PIGN: variants seen among roughly 807,000 people sequenced by gnomAD.
PIGN encodes phosphatidylinositol glycan anchor biosynthesis class N.
Under a neutral mutation model 125.4 loss-of-function variants are expected in PIGN, and 117 were observed. The observed-to-expected ratio is 0.93, with a 90% confidence interval of 0.80 to 1.09. PIGN has a LOEUF of 1.09. Among genes scored for constraint, PIGN ranks in the 50% least tolerant of loss-of-function variants. PIGN has a pLI of 0.00. For missense variants in PIGN, 1,075 were observed against 1,094.9 expected (o/e 0.98, Z 0.26); for synonymous variants, 392 against 377.8 (o/e 1.04, Z -0.44).
intron 16 of PIGN, among the ~76,000 whole-genome samples, chr18:62,110,853 TA>T (rs1185990593): frequency 1.4e-5 from 2 of 147,668 alleles, no homozygotes; most frequent in African/African-American, 2.5e-5. Flanking sequence ...AAAATATATA[TA>T]TAATACATAT....
chr18:62,168,437 C>T (rs1213630380), intron 1 of PIGN, among the ~76,000 whole-genome samples: 8 of 152,136 alleles, frequency 5.3e-5, no homozygotes, highest in Admixed American at 6.6e-5. Flanking sequence ...CTCTGCTTTG[C>T]TCCATCCCAG....
In PIGN at chr18:62,045,945, T is replaced by C. The variant is rs747799115; in HGVS notation, c.2707A>G (p.Ile903Val). 67 of 1,613,290 alleles carry C rather than the reference T, an allele frequency of 4.2e-5. No homozygotes were observed. Among genetic ancestry groups the C allele is most frequent in the African/African-American group, 3.1e-4 (23 of 74,896 alleles). Residue 903 changes from isoleucine (I) to valine (V), a missense_variant, in exon 31 of 31, where the codon ATC becomes GTC. By Grantham distance (29) the Ile-to-Val change is conservative (BLOSUM62 3). This residue lies in a region of PIGN where 915 missense variants were observed against 908.7 expected (regional missense o/e 1.01). Transcript: ENST00000640252. ...SHYVIVMSMT[I>V]FLVFLNGLAQ... ...AGGCCATTGAGGAACACCAAAAAGA[T>C]GGTCATGGACATGACAATCACATAG...
At chr18:62,036,563 T>C (rs148712086), downstream of PIGN, among the ~76,000 whole-genome samples, 174 of 152,322 alleles carry the variant, frequency 1.1e-3, no homozygotes, top group East Asian at 0.016. Flanking sequence ...ATTTCTTACA[T>C]AACAAATTGT....
At chr18:62,071,084 C>T (rs1172777791) in intron 30 of PIGN, among the ~76,000 whole-genome samples, 1 of 152,196 alleles carries the variant, frequency 6.6e-6, no homozygotes, top group East Asian at 1.9e-4. Flanking sequence ...GCTAGGATTA[C>T]AGGCGTGGGC....
chr18:62,094,964 T>C (rs1426326778), intron 23 of PIGN, among the ~76,000 whole-genome samples: 1 of 152,160 alleles, frequency 6.6e-6, no homozygotes, highest in Non-Finnish European at 1.5e-5. Context: ...TGAGAACATC[T>C]CTCTAATTTT....
intron 14 of PIGN, among the ~76,000 whole-genome samples, chr18:62,128,004 T>C (rs1055459988): frequency 3.9e-5 from 6 of 152,180 alleles, no homozygotes; most frequent in Non-Finnish European, 5.9e-5. Flanking sequence ...AACAAACTTA[T>C]GAAAAATCCT....
At chr18:62,111,384 T>G (rs889170377) in intron 16 of PIGN, among the ~76,000 whole-genome samples, 1 of 152,154 alleles carries the variant, frequency 6.6e-6, no homozygotes, top group African/African-American at 2.4e-5. Flanking sequence ...GCTTTAATTC[T>G]CAACCTCTCC....
chr18:62,120,204 G>GGGGGAA (rs74265165), intron 14 of PIGN, among the ~76,000 whole-genome samples: 22 of 151,888 alleles, frequency 1.4e-4, no homozygotes, highest in African/African-American at 5.1e-4. Context: ...AAAAGCAGCT[G>GGGGGAA]GGGGAAGGGG....
chr18:62,123,298 A>G (rs2035380870), intron 14 of PIGN, among the ~76,000 whole-genome samples: 1 of 152,222 alleles, frequency 6.6e-6, no homozygotes, highest in Non-Finnish European at 1.5e-5. Context: ...TAAAGCCTTA[A>G]TAATTGCTGA....
chr18:62,148,282 C>A lies in PIGN; in HGVS notation c.606G>T (p.Glu202Asp). 6.5e-7 allele frequency: 1 copy of A among 1,533,568 alleles called. No individual in the cohort carries two copies. Among genetic ancestry groups the A allele is most frequent in the Non-Finnish European group, 8.8e-7 (1 of 1,136,354 alleles). The allele number at this position is 1,533,568 out of a possible 1,614,324, so 95.0% of individuals were successfully genotyped here. ...NQSLFSKINE[E>D]KIVFFLHLLG... ...ATAAATGTAAGAAAAAAACTATTTT[C>A]TCTTCATTTATTTTAGAAAACAAAG... The change falls in exon 8 of 31, where the codon GAG (glutamate) becomes GAT (aspartate). Residue 202 changes from glutamate (E) to aspartate (D), a missense_variant. Around this residue, in one of 3 missense-constraint regions of PIGN, gnomAD observed 915 missense variants for 908.7 expected, o/e 1.01. Coordinates refer to ENST00000640252, the MANE Select transcript of PIGN (RefSeq NM_176787.5).
At chr18:62,028,038 C>T (rs2030147311) in intron 23 of PIGN, among the ~76,000 whole-genome samples, 2 of 152,370 alleles carry the variant, frequency 1.3e-5, no homozygotes, top group South Asian at 4.1e-4. Flanking sequence ...TCACCACTTA[C>T]ACTGTGCTCC....
chr18:62,075,821 G>T (rs1227300670), intron 28 of PIGN: 1 of 152,234 alleles, frequency 6.6e-6, no homozygotes, highest in Non-Finnish European at 1.5e-5. Flanking sequence ...ATTTCCACTA[G>T]CAATGCATGA....
rs576812592 is a variant in PIGN at position 62,091,470 on chromosome 18, C to T, written c.2181-892G>A. 1.3e-3 allele frequency among the ~76,000 whole-genome samples: 198 copies of T among 152,284 alleles called. 9 individuals carry two copies. The South Asian group carries it at 0.039, about 30-fold the overall frequency. On this transcript the variant is annotated intron_variant, in intron 23 of 30. Coordinates refer to ENST00000640252, the MANE Select transcript of PIGN (RefSeq NM_176787.5). Reference sequence around the variant, plus strand: ...TAAGAATCTCAAAAATATTCATATACTATAATGCAATAAGGCCATTTCTAA... The same window carrying T: ...TAAGAATCTCAAAAATATTCATATATTATAATGCAATAAGGCCATTTCTAA...
At chr18:62,037,769 C>A (rs547603715), downstream of PIGN, among the ~76,000 whole-genome samples, 1 of 152,144 alleles carries the variant, frequency 6.6e-6, no homozygotes, top group African/African-American at 2.4e-5. Context: ...TGAAGAAAAA[C>A]CAAACTTGAG....
chr18:62,106,229 A>C (rs1276847420), intron 19 of PIGN, among the ~76,000 whole-genome samples: 2 of 152,216 alleles, frequency 1.3e-5, no homozygotes, highest in African/African-American at 4.8e-5. Flanking sequence ...TAGAAAGAAG[A>C]TATCTTCCTG....
At chr18:62,088,901 G>A (rs1458317123) in intron 24 of PIGN, 59 bp from the exon 25 acceptor site, 7 of 973,050 alleles carry the variant, frequency 7.2e-6, no homozygotes, top group Non-Finnish European at 9.5e-6. Flanking sequence ...TTCTATATTT[G>A]AAGGCAAACT....
At chr18:62,021,696 T>A (rs1482434802) in intron 23 of PIGN, among the ~76,000 whole-genome samples, 1 of 152,200 alleles carries the variant, frequency 6.6e-6, no homozygotes, top group East Asian at 1.9e-4. Context: ...TTGTCAAGTG[T>A]ACACCTTTCC....
At chr18:62,073,704 C>T (rs56253572) in intron 29 of PIGN, among the ~76,000 whole-genome samples, 25 of 152,208 alleles carry the variant, frequency 1.6e-4, no homozygotes, top group Admixed American at 2.6e-4. Context: ...TCATCTAAAC[C>T]GAGTGACTAG....
chr18:62,060,867 T>C (rs1208215955), intron 30 of PIGN, among the ~76,000 whole-genome samples: 1 of 152,210 alleles, frequency 6.6e-6, no homozygotes, highest in Non-Finnish European at 1.5e-5. Context: ...GTACTTTCAG[T>C]ATGCCGTATA....
Sources: gnomAD v4.1 joint callset for allele counts (sites outside exome capture counted in the v4.1 genomes callset) on GRCh38, gnomAD v4.1.1 for gene constraint, gnomAD v4.1.1 regional missense constraint, MANE v1.5 for transcripts, NCBI Gene and HGNC (gene_info 2026-07-23, HGNC 2026-07-21) for gene names.